The following CCP110 variants were observed in gnomAD, a reference collection of about 807,000 sequenced individuals.
CCP110 encodes the protein centriolar coiled-coil protein 110.
In CCP110, 43 loss-of-function variants were observed where a neutral mutation model predicts 105.5. The ratio of observed to expected loss-of-function variants is 0.41; its 90% confidence interval spans 0.32 to 0.53. CCP110 has a LOEUF of 0.53. CCP110 is among the 20% of genes least tolerant of loss of function. The probability of loss-of-function intolerance (pLI) is 0.32; values close to 1 mark genes in which losing one functional copy is unlikely to be tolerated. For missense variants in CCP110, 1,016 were observed against 1,189.1 expected (o/e 0.85, Z 2.14); for synonymous variants, 353 against 392.1 (o/e 0.90, Z 1.18).
At chr16:19,538,833 C>A (rs226892) in intron 4 of CCP110, among the ~76,000 whole-genome samples, 15,453 of 151,940 alleles carry the variant, frequency 0.1, 874 homozygotes, top group African/African-American at 0.16. Context: ...GTTCTTTAGG[C>A]CGGCGCGGTT....
intron 3 of CCP110, among the ~76,000 whole-genome samples, chr16:19,535,717 C>G (rs767843966): frequency 3.3e-5 from 5 of 152,050 alleles, no homozygotes; most frequent in Non-Finnish European, 7.4e-5. Flanking sequence ...TCTTTTATAA[C>G]TCTTTTAATA....
chr16:19,528,079 C>A (rs757142274), intron 2 of CCP110, 57 bp downstream of exon 2: 3 of 1,396,472 alleles, frequency 2.1e-6, no homozygotes, highest in Non-Finnish European at 2.9e-6. Flanking sequence ...TAAAACAGTT[C>A]GTGGAAAAAC....
chr16:19,535,337 T>G (rs1452158633), intron 3 of CCP110, among the ~76,000 whole-genome samples: 3 of 108,880 alleles, frequency 2.8e-5, no homozygotes, highest in Admixed American at 2.0e-4. Flanking sequence ...ATTTTTACAT[T>G]CATTCATTCA....
chr16:19,546,267 A>C, intron 11 of CCP110, 145 bp from the exon 12 acceptor site: 1 of 538,882 alleles, frequency 1.9e-6, no homozygotes, highest in East Asian at 3.1e-5. Flanking sequence ...TCTTGAATGC[A>C]GTCTTTAATA....
chr16:19,536,646 C>G, exon 4 of CCP110: 2 of 1,614,090 alleles, frequency 1.2e-6, no homozygotes, highest in Non-Finnish European at 1.7e-6. Context: ...GTGGACATAC[C>G]TATACGAACT....
At chr16:19,547,820 T>C in intron 12 of CCP110, 135 bp from the exon 13 acceptor site, 1 of 659,690 alleles carries the variant, frequency 1.5e-6, no homozygotes, top group South Asian at 1.8e-5. Context: ...TTGCTCTGAT[T>C]TGTGGTAATA....
chr16:19,537,630 C>A, intron 4 of CCP110, 43 bp downstream of exon 4: 1 of 1,115,042 alleles, frequency 9.0e-7, no homozygotes, highest in Non-Finnish European at 1.3e-6. Context: ...ATGCAGATAC[C>A]TTTATTTTAA....
chr16:19,532,087 T>A (rs969600747), intron 2 of CCP110, among the ~76,000 whole-genome samples: 31 of 152,332 alleles, frequency 2.0e-4, no homozygotes, highest in African/African-American at 7.0e-4. Context: ...TTTTAGAACA[T>A]TTGATTAGTG....
At chr16:19,542,412 T>G (rs1431225331) in intron 6 of CCP110, among the ~76,000 whole-genome samples, 1 of 152,226 alleles carries the variant, frequency 6.6e-6, no homozygotes, top group Non-Finnish European at 1.5e-5. Flanking sequence ...TAGCTTATCT[T>G]CATATCTCAA....
intron 2 of CCP110, among the ~76,000 whole-genome samples, chr16:19,528,987 G>A (rs1182998638): frequency 6.6e-6 from 1 of 152,182 alleles, no homozygotes; most frequent in African/African-American, 2.4e-5. Flanking sequence ...TCTGGCCTGG[G>A]TCCAAATCAT....
chr16:19,545,240 T>A (rs547486406), intron 10 of CCP110, 30 bp downstream of exon 10: 2 of 1,302,222 alleles, frequency 1.5e-6, no homozygotes, highest in South Asian at 2.4e-5. Context: ...ATGAATAGAG[T>A]TCTTCTGGGT....
chr16:19,537,990 A>T (rs1011314800), intron 4 of CCP110, among the ~76,000 whole-genome samples: 1 of 152,146 alleles, frequency 6.6e-6, no homozygotes, highest in African/African-American at 2.4e-5. Flanking sequence ...TCTCAAACTC[A>T]TGAGCTTGAG....
Position 19,548,519 on chromosome 16 carries a change from C to T in CCP110, c.2905C>T (p.Pro969Ser). Residue 969 changes from proline to serine, a missense_variant, in exon 14 of 15, where the codon CCT (proline) becomes TCT (serine). Transcript: ENST00000381396. The surrounding 1 kb of genome is among the most constrained non-coding windows in gnomAD (Gnocchi z 4.1). ...AATTTTTTTATATTCAATTAGAACC[C>T]CTAAGACATCAGTGAAGGGGGTTGT... The T allele has an allele frequency of 6.5e-7, 1 of 1,543,028 alleles. No homozygotes were observed. The highest frequency in any genetic ancestry group is 8.8e-7 in the Non-Finnish European group (1 of 1,141,412).
chr16:19,549,977 A>G (rs1970581455), intron 14 of CCP110, among the ~76,000 whole-genome samples: 1 of 152,230 alleles, frequency 6.6e-6, no homozygotes, highest in Non-Finnish European at 1.5e-5. Flanking sequence ...AATGAAGTTC[A>G]TTATTTTGAA....
chr16:19,542,041 A>G, exon 6 of CCP110: 2 of 1,581,008 alleles, frequency 1.3e-6, no homozygotes, highest in Non-Finnish European at 8.5e-7. Flanking sequence ...GACTCACTCC[A>G]TACTTCAAAT....
rs746652963 is a variant in CCP110, at chr16:19,532,380, C to T, written c.142-36C>T. On this transcript the variant is annotated intron_variant, in intron 2 of 14. Transcript: ENST00000381396. ...CTTCCCGATTTTATGATATTTTTAT[C>T]GTGGGAAATAATTACATTTTTATGA... 18 of 1,527,772 alleles carry T rather than the reference C, an allele frequency of 1.2e-5. No individual in the cohort carries two copies. In the South Asian group the frequency reaches 1.8e-4, roughly 16 times the overall value. The allele number at this position is 1,527,772 out of a possible 1,614,324, so 94.6% of individuals were successfully genotyped here.
At chr16:19,544,194 A>C (rs543001547) in intron 8 of CCP110, among the ~76,000 whole-genome samples, 27 of 152,304 alleles carry the variant, frequency 1.8e-4, no homozygotes, top group African/African-American at 5.8e-4. Flanking sequence ...ACACTTATGA[A>C]AAATAGAAAG....
exon 15 of CCP110, chr16:19,552,768 T>A (rs554194315): frequency 1.3e-5 from 2 of 152,302 alleles, no homozygotes; most frequent in East Asian, 3.9e-4. Context: ...GAAGATTGTT[T>A]TCTCCAATTT....
Position 19,538,370 on chromosome 16 carries a change from C to T in CCP110, c.1918+783C>T, listed in dbSNP as rs559253151. On this transcript the variant is annotated intron_variant, in intron 4 of 14. Coordinates refer to ENST00000381396, the Ensembl canonical transcript of CCP110. ...CTGTCGCCAGGCTGGAGTGCAGTGG[C>T]GGGTTCTCACCTCACTGCAACCTCT... Among the ~76,000 whole-genome samples, 550 of 119,610 alleles carry T rather than the reference C, an allele frequency of 4.6e-3. 1 individual carries two copies. The highest frequency in any genetic ancestry group is 6.8e-3 in the Non-Finnish European group (428 of 63,020). 78.5% of individuals were successfully genotyped at this position (119,610 alleles called of 152,430 possible). A position where few individuals can be genotyped will look rare whatever the true frequency, so the allele number is the denominator to read the frequency against.
Sources: allele counts gnomAD v4.1 joint callset (sites outside exome capture counted in the v4.1 genomes callset), GRCh38; gene constraint gnomAD v4.1.1; non-coding constraint Gnocchi (gnomAD v3.1); transcripts MANE v1.5; gene names NCBI Gene and HGNC (gene_info 2026-07-23, HGNC 2026-07-21).